Variants in PREX2 observed in about 807,000 individuals in gnomAD.
PREX2 encodes the protein phosphatidylinositol 3,4,5-trisphosphate-dependent Rac exchanger 2 protein.
In PREX2, 107 loss-of-function variants were observed where a neutral mutation model predicts 203.2. The ratio of observed to expected loss-of-function variants is 0.53; its 90% CI spans 0.45 to 0.62. The LOEUF (loss-of-function observed/expected upper bound fraction) is 0.62. PREX2 is among the 20% of genes least tolerant of loss of function. The pLI, the probability that PREX2 is intolerant of heterozygous loss-of-function variation, is 0.00. For synonymous variants in PREX2, 672 were observed against 663.6 expected (o/e 1.01, Z -0.19); for missense variants, 1,777 against 1,955.9 (o/e 0.91, Z 1.72).
chr8:68,124,634 C>T (rs1810852319), intron 30 of PREX2, among the ~76,000 whole-genome samples: 2 of 152,024 alleles, frequency 1.3e-5, no homozygotes, highest in Admixed American at 1.3e-4. Context: ...TACCCTTGAA[C>T]TTAAAAGTTT....
At chr8:68,204,295 C>A (rs535429810) in intron 37 of PREX2, among the ~76,000 whole-genome samples, 5 of 152,154 alleles carry the variant, frequency 3.3e-5, no homozygotes, top group Non-Finnish European at 7.3e-5. Flanking sequence ...GAAAAACATA[C>A]CTTACTGGGC....
chr8:67,953,039 C>A (rs1438850416), intron 1 of PREX2, among the ~76,000 whole-genome samples: 1 of 152,106 alleles, frequency 6.6e-6, no homozygotes, highest in African/African-American at 2.4e-5. Context: ...GCAGTGGCCG[C>A]TTTAGTTATG....
At chr8:68,140,325 G>A (rs1811202388) in intron 33 of PREX2, among the ~76,000 whole-genome samples, 1 of 152,198 alleles carries the variant, frequency 6.6e-6, no homozygotes. Flanking sequence ...TAGTTCTCTA[G>A]TGAGGGGCTG....
At chr8:67,982,118 C>T (rs569732311) in intron 1 of PREX2, among the ~76,000 whole-genome samples, 2 of 152,228 alleles carry the variant, frequency 1.3e-5, no homozygotes, top group African/African-American at 4.8e-5. Flanking sequence ...ATAGCTTTGT[C>T]CCAATTCCCT....
At chr8:68,033,583 A>G (rs1585723332) in intron 6 of PREX2, among the ~76,000 whole-genome samples, 1 of 152,172 alleles carries the variant, frequency 6.6e-6, no homozygotes, top group Non-Finnish European at 1.5e-5. Flanking sequence ...AGACCTGAGA[A>G]GGGTGTCTAG....
chr8:67,993,652 CCT>C, intron 1 of PREX2, among the ~76,000 whole-genome samples: 1 of 152,258 alleles, frequency 6.6e-6, no homozygotes. Flanking sequence ...AGGTGATCTA[CCT>C]GCCTCGGCCT....
At position 68,060,706 on chromosome 8, in the gene PREX2, T is replaced by G. The variant is rs761058511; in HGVS notation, c.1266T>G (p.Ile422Met). ...AATTTGTGTCATGGCTGTTGGAAAT[T>G]GGAGAGATTCACAGGCCTGAGGAAG... ...GSEFVSWLLE[I>M]GEIHRPEEGV... The change falls in exon 11 of 40, where the codon ATT becomes ATG. Residue 422 changes from isoleucine (I) to methionine (M), a missense_variant. Transcript: ENST00000288368. 6.2e-7 allele frequency: 1 copy of G among 1,612,062 alleles called. No individual in the cohort carries two copies. The highest frequency in any genetic ancestry group is 8.5e-7 in the Non-Finnish European group (1 of 1,179,528).
At chr8:67,954,920 A>T (rs1805451500) in intron 1 of PREX2, among the ~76,000 whole-genome samples, 1 of 152,116 alleles carries the variant, frequency 6.6e-6, no homozygotes, top group Non-Finnish European at 1.5e-5. Context: ...AGGCGGGTGG[A>T]TCACCTGAGG....
chr8:68,168,534 C>A (rs1295151476), intron 35 of PREX2, among the ~76,000 whole-genome samples: 1 of 152,180 alleles, frequency 6.6e-6, no homozygotes, highest in Non-Finnish European at 1.5e-5. Flanking sequence ...GTCAGAATTA[C>A]CTGCTGTATA....
chr8:67,952,391 G>C lies in PREX2; in HGVS notation c.-4G>C, dbSNP rs367860419. On this transcript the variant is annotated 5_prime_UTR_variant, in exon 1 of 40. Transcript: ENST00000288368. ...CAGCGCCGCGCTGCGCACCGCCGCC[G>C]ACCATGAGCGAGGACAGCCGCGGAG... 7,825 of 1,539,962 alleles carry C rather than the reference G, an allele frequency of 5.1e-3. 37 individuals carry two copies. The highest frequency in any genetic ancestry group is 8.1e-3 in the South Asian group (670 of 82,442).
chr8:67,993,446 G>C (rs4737877), intron 1 of PREX2, among the ~76,000 whole-genome samples: 1 of 144,744 alleles, frequency 6.9e-6, no homozygotes, highest in African/African-American at 2.6e-5. Flanking sequence ...TCACTCTGTC[G>C]CCCAGACTGG....
chr8:67,979,081 C>A (rs949805010), intron 1 of PREX2, among the ~76,000 whole-genome samples: 1 of 152,058 alleles, frequency 6.6e-6, no homozygotes, highest in Admixed American at 6.6e-5. Context: ...TTGCAAATAG[C>A]GTGAGAAAGA....
chr8:67,987,249 G>T (rs1806461784), intron 1 of PREX2, among the ~76,000 whole-genome samples: 1 of 150,068 alleles, frequency 6.7e-6, no homozygotes, highest in African/African-American at 2.5e-5. Context: ...TTTTTTTGGA[G>T]CTATATAAGG....
intron 4 of PREX2, 125 bp from the exon 5 acceptor site, chr8:68,027,097 T>C (rs2129610404): frequency 8.5e-6 from 6 of 705,152 alleles, no homozygotes; most frequent in Non-Finnish European, 1.5e-5. Flanking sequence ...GAATATGCTC[T>C]TCTTAGAGAA....
At chr8:68,158,986 AAAC>A (rs1446456219) in intron 35 of PREX2, among the ~76,000 whole-genome samples, 2 of 152,182 alleles carry the variant, frequency 1.3e-5, no homozygotes, top group Non-Finnish European at 1.5e-5. Flanking sequence ...AGAAGAAGGA[AAAC>A]AACAAGAGAT....
chr8:67,979,527 A>T (rs886253770), intron 1 of PREX2, among the ~76,000 whole-genome samples: 1 of 152,108 alleles, frequency 6.6e-6, no homozygotes, highest in Non-Finnish European at 1.5e-5. Context: ...AAAACGCCAG[A>T]CTCTTTTTTT....
intron 16 of PREX2, 51 bp downstream of exon 16, chr8:68,080,636 A>C (rs1809491744): frequency 6.7e-7 from 1 of 1,503,180 alleles, no homozygotes; most frequent in African/African-American, 1.4e-5. Context: ...AGACACTAGC[A>C]GAAGACTGCG....
intron 8 of PREX2, among the ~76,000 whole-genome samples, chr8:68,052,416 C>A (rs187917121): frequency 6.6e-6 from 1 of 152,192 alleles, no homozygotes; most frequent in Non-Finnish European, 1.5e-5. Context: ...GACAGTTTAC[C>A]TAAAATTATA....
chr8:68,222,591 A>G (rs1179180793), intron 38 of PREX2, among the ~76,000 whole-genome samples: 1 of 152,104 alleles, frequency 6.6e-6, no homozygotes, highest in Non-Finnish European at 1.5e-5. Context: ...AAACAAAACA[A>G]TATTATTGTT....
Sources: allele counts gnomAD v4.1 joint callset (sites outside exome capture counted in the v4.1 genomes callset), GRCh38; gene constraint gnomAD v4.1.1; transcripts MANE v1.5; gene names NCBI Gene and HGNC (gene_info 2026-07-23, HGNC 2026-07-21).